MLPH: variants seen among roughly 807,000 people sequenced by gnomAD.
The protein encoded by MLPH is melanophilin, also known as exophilin-3.
In MLPH, 51 loss-of-function variants were observed where a neutral mutation model predicts 72.1. The ratio of observed to expected loss-of-function variants is 0.71; its 90% CI spans 0.56 to 0.89. MLPH has a LOEUF of 0.89. MLPH is among the 40% of genes least tolerant of loss of function. The pLI is 0.00. For synonymous variants in MLPH, 301 were observed against 310.1 expected (o/e 0.97, Z 0.31); for missense variants, 743 against 759.9 (o/e 0.98, Z 0.26).
In MLPH at chr2:237,546,683, G is replaced by C; in HGVS notation, c.1617G>C (p.Lys539Asn). ...DPNADPSSEA[K>N]AMAVPYLLRR... ...ATGCAGACCCTTCAAGTGAGGCCAA[G>C]GTATGTGTTACTCCATTCAAGCCCC... Residue 539 changes from lysine to asparagine, a missense_variant and splice_region_variant, in exon 13 of 16, where the codon AAG becomes AAC. Coordinates refer to ENST00000264605, the MANE Select transcript of MLPH (RefSeq NM_024101.7). 6.2e-7 allele frequency: 1 copy of C among 1,613,656 alleles called. No individual in the cohort carries two copies. Among genetic ancestry groups the C allele is most frequent in the Non-Finnish European group, 8.5e-7 (1 of 1,179,538 alleles).
chr2:237,507,062 C>CTTTTTTT (rs61091364), intron 2 of MLPH, among the ~76,000 whole-genome samples: 17 of 94,540 alleles, frequency 1.8e-4, no homozygotes, highest in South Asian at 3.7e-4. Flanking sequence ...TTTTTTTTTT[C>CTTTTTTT]TTTTTTTTTT....
intron 2 of MLPH, among the ~76,000 whole-genome samples, chr2:237,509,866 T>A (rs2079853253): frequency 6.6e-6 from 1 of 152,226 alleles, no homozygotes; most frequent in Admixed American, 6.5e-5. Context: ...TGGCACCTAG[T>A]GTCCTTCTTG....
intron 12 of MLPH, chr2:237,545,558 A>G: frequency 7.8e-7 from 1 of 1,288,426 alleles, no homozygotes; most frequent in Non-Finnish European, 1.0e-6. Flanking sequence ...ATGTTGCCTC[A>G]TGTGGAAATC....
At position 237,552,515 on chromosome 2, in the gene MLPH, C is replaced by T. The variant is rs576270145; in HGVS notation, c.1776+78C>T. ...GATTTATGTATTAAAATTAAGTCTT[C>T]AGAGCAAAGAAAATGGAGATAAACA... On this transcript the variant is annotated intron_variant, in intron 15 of 15. Coordinates refer to ENST00000264605, the MANE Select transcript of MLPH (RefSeq NM_024101.7). 1.4e-4 allele frequency: 175 copies of T among 1,221,528 alleles called. 1 individual carries two copies. In the African/African-American group the frequency reaches 2.0e-3, roughly 14 times the overall value. The allele number at this position is 1,221,528 out of a possible 1,614,324, so 75.7% of individuals were successfully genotyped here.
At chr2:237,549,356 G>A in intron 14 of MLPH, 78 bp downstream of exon 14, 1 of 1,280,648 alleles carries the variant, frequency 7.8e-7, no homozygotes, top group South Asian at 1.2e-5. Context: ...TCGCAGCTCT[G>A]TGTGTTTCTT....
rs2079917691 is a variant in MLPH, at chr2:237,512,127, C to A, written c.445+1026C>A. ...GCCTGGCTCCGGCAGCTGGGCACGT[C>A]CAGGGCAGAGGCTGTGCTTCTGGAT... On this transcript the variant is annotated intron_variant, in intron 4 of 15. Coordinates refer to ENST00000264605, the MANE Select transcript of MLPH (RefSeq NM_024101.7). The surrounding 1 kb of genome is among the most constrained non-coding windows in gnomAD (Gnocchi z 5.5). 6.6e-6 allele frequency among the ~76,000 whole-genome samples: 1 copy of A among 152,248 alleles called. No homozygotes were observed. The highest frequency in any genetic ancestry group is 1.5e-5 in the Non-Finnish European group (1 of 68,046).
At position 237,527,643 on chromosome 2, in the gene MLPH, A is replaced by G. The variant is rs753813736; in HGVS notation, c.1020+127A>G. On this transcript the variant is annotated intron_variant, in intron 8 of 15. Coordinates refer to ENST00000264605, the MANE Select transcript of MLPH (RefSeq NM_024101.7). ...TCAAACTATGAAATTGCACAAGCCTACTTAATGGAGATACGTCATCACAAT... is the reference window on the plus strand; with the variant it reads ...TCAAACTATGAAATTGCACAAGCCTGCTTAATGGAGATACGTCATCACAAT... 572 of 1,199,680 alleles carry G rather than the reference A, an allele frequency of 4.8e-4. 3 individuals are homozygous for G. Among genetic ancestry groups the G allele is most frequent in the Non-Finnish European group, 3.1e-4 (256 of 834,004 alleles). 74.3% of individuals were successfully genotyped at this position (1,199,680 alleles called of 1,614,324 possible).
intron 4 of MLPH, among the ~76,000 whole-genome samples, chr2:237,516,914 A>AGGATGGATTGATGGATGGAT (rs2080039457): frequency 8.4e-6 from 1 of 119,232 alleles, no homozygotes; most frequent in African/African-American, 3.9e-5. Context: ...GATGGATGGT[A>AGGATGGATTGATGGATGGAT]GGATGGATGG....
chr2:237,490,183 G>T (rs80151891), intron 1 of MLPH, among the ~76,000 whole-genome samples: 15,536 of 152,194 alleles, frequency 0.1, 946 homozygotes, highest in Non-Finnish European at 0.14. Context: ...CACCCAGCTA[G>T]GGCAGGCACA....
At chr2:237,516,914 A>ATGGATGGATGGATGGAT (rs1559350480) in intron 4 of MLPH, among the ~76,000 whole-genome samples, 1 of 119,232 alleles carries the variant, frequency 8.4e-6, no homozygotes, top group East Asian at 2.5e-4. Context: ...GATGGATGGT[A>ATGGATGGATGGATGGAT]GGATGGATGG....
chr2:237,509,653 A>G, intron 2 of MLPH, among the ~76,000 whole-genome samples: 1 of 152,168 alleles, frequency 6.6e-6, no homozygotes, highest in African/African-American at 2.4e-5. Flanking sequence ...TTTTGAAGCT[A>G]TGACAAGAGC....
chr2:237,487,714 C>A (rs1435402218), intron 1 of MLPH, among the ~76,000 whole-genome samples: 3 of 152,192 alleles, frequency 2.0e-5, no homozygotes, highest in Non-Finnish European at 4.4e-5. Context: ...TTGGGCAAAA[C>A]GGTTGGTTTT....
intron 7 of MLPH, among the ~76,000 whole-genome samples, chr2:237,526,037 G>C (rs371473294): frequency 7.9e-4 from 121 of 152,324 alleles, no homozygotes; most frequent in African/African-American, 2.8e-3. Flanking sequence ...CACAGGAGGT[G>C]GCCAGCCCAC....
chr2:237,553,577 G>T lies in MLPH; in HGVS notation c.1788G>T (p.Val596=). The T allele has an allele frequency of 6.2e-7, 1 of 1,614,174 alleles. No individual in the cohort carries two copies. Among genetic ancestry groups the T allele is most frequent in the Non-Finnish European group, 8.5e-7 (1 of 1,180,030 alleles). ...TTTGTACTTTACAGAAACCTGTGGT[G>T]GCCCACCAGTCCTAACGGGACAGGA... The part of the protein sequence containing the change: ...MASHTFAKPV[V]AHQS Residue 596 remains valine (V), a synonymous_variant, in exon 16 of 16, where the codon GTG becomes GTT. Coordinates refer to ENST00000264605, the MANE Select transcript of MLPH (RefSeq NM_024101.7).
intron 9 of MLPH, among the ~76,000 whole-genome samples, chr2:237,534,988 G>A (rs150322979): frequency 1.3e-3 from 202 of 152,304 alleles, no homozygotes; most frequent in African/African-American, 4.7e-3. Context: ...CACCAAAGCA[G>A]GGTGGAATCT....
intron 1 of MLPH, 40 bp from the exon 2 acceptor site, chr2:237,493,363 G>T: frequency 7.7e-7 from 1 of 1,303,254 alleles, no homozygotes; most frequent in Non-Finnish European, 1.1e-6. Context: ...GTATTGGTAG[G>T]CTTCTGGGAC....
At chr2:237,552,597 C>A (rs546051318) in intron 15 of MLPH, among the ~76,000 whole-genome samples, 160 bp downstream of exon 15, 1 of 152,154 alleles carries the variant, frequency 6.6e-6, no homozygotes, top group East Asian at 1.9e-4. Context: ...TCTTTGCCAA[C>A]GAGGGCTTGA....
At chr2:237,488,846 A>G (rs2079372780) in intron 1 of MLPH, among the ~76,000 whole-genome samples, 1 of 152,166 alleles carries the variant, frequency 6.6e-6, no homozygotes, top group African/African-American at 2.4e-5. Context: ...CCACAATGCA[A>G]TAACGGCTCA....
chr2:237,533,731 C>G (rs1463181013), intron 8 of MLPH, among the ~76,000 whole-genome samples: 1 of 152,236 alleles, frequency 6.6e-6, no homozygotes. Flanking sequence ...AGATGCTCAA[C>G]GGGACCAGAG....
Sources: gnomAD v4.1 joint callset for allele counts (sites outside exome capture counted in the v4.1 genomes callset) on GRCh38, gnomAD v4.1.1 for gene constraint, Gnocchi (gnomAD v3.1) non-coding constraint, MANE v1.5 for transcripts, NCBI Gene and HGNC (gene_info 2026-07-23, HGNC 2026-07-21) for gene names.